The following PRPF19 variants were observed in gnomAD, a reference collection of about 807,000 sequenced individuals.
PRPF19 encodes pre-mRNA processing factor 19, also known as pre-mRNA-processing factor 19.
Under a neutral mutation model 64.2 loss-of-function variants are expected in PRPF19, and 2 were observed. That is an observed-to-expected ratio of 0.03 (90% CI 0.01 to 0.10). The LOEUF is 0.10. Ranked by LOEUF, PRPF19 falls within the 10% of genes least tolerant of loss-of-function variation. The probability of loss-of-function intolerance (pLI) is 1.00; values close to 1 mark genes in which losing one functional copy is unlikely to be tolerated. For missense variants in PRPF19, 314 were observed against 650.0 expected (o/e 0.48, Z 5.62); for synonymous variants, 226 against 251.6 (o/e 0.90, Z 0.96).
chr11:60,903,894 T>C, intron 1 of PRPF19, 33 bp from the exon 2 acceptor site: 3 of 1,599,026 alleles, frequency 1.9e-6, no homozygotes, highest in Non-Finnish European at 2.6e-6. Context: ...GAGCTTGGAG[T>C]GAAGGCAATC....
At chr11:60,892,157 TGAAAGG>T (rs933886124) in intron 15 of PRPF19, among the ~76,000 whole-genome samples, 13 of 152,224 alleles carry the variant, frequency 8.5e-5, no homozygotes, top group African/African-American at 3.1e-4. Flanking sequence ...GTTCAAGATC[TGAAAGG>T]GAAAGTCACG....
At position 60,899,226 on chromosome 11, in the gene PRPF19, G is replaced by A. The variant is rs1335005545; in HGVS notation, c.907C>T (p.Arg303Trp). 2.5e-6 allele frequency: 4 copies of A among 1,613,942 alleles called. No homozygotes were observed. The highest frequency in any genetic ancestry group is 2.7e-5 in the African/African-American group (2 of 74,922). ...CCTGTCACAGCACTCTCATGGGCCC[G>A]AACCACCTGTACACAAGAGGCATTG... ...VPNASCVQVV[R>W]AHESAVTGLS... The change falls in exon 11 of 16, where the codon CGG (arginine) becomes TGG (tryptophan). Residue 303 changes from arginine to tryptophan, a missense_variant. By Grantham distance (101) the Arg-to-Trp change is moderately radical (BLOSUM62 -3). Transcript: ENST00000227524.
intron 10 of PRPF19, among the ~76,000 whole-genome samples, chr11:60,900,271 C>T (rs981650614): frequency 9.2e-5 from 14 of 152,108 alleles, no homozygotes; most frequent in African/African-American, 3.4e-4. Context: ...TTGTGTTGAG[C>T]TTTGTTTTCT....
At position 60,902,513 on chromosome 11, in the gene PRPF19, C is replaced by G. The variant is rs71488495; in HGVS notation, c.463-48G>C. On this transcript the variant is annotated intron_variant, in intron 5 of 15. Transcript: ENST00000227524. This position sits in a 1 kb window ranked among gnomAD's most constrained non-coding sequence, Gnocchi z 5.0. Reference sequence around the variant, plus strand: ...TGAGAGGCACAGAGCACCAAAGACACCTGCATAAGGACAGTTCTGTGGGCC... The same window carrying G: ...TGAGAGGCACAGAGCACCAAAGACAGCTGCATAAGGACAGTTCTGTGGGCC... 2.2e-3 allele frequency: 3,566 copies of G among 1,608,778 alleles called. 9 individuals carry two copies. The highest frequency in any genetic ancestry group is 2.9e-3 in the Non-Finnish European group (3,361 of 1,175,106).
chr11:60,902,079 TCAATAA>T lies in PRPF19; in HGVS notation c.525+318_525+323del, dbSNP rs1040040908. 1.3e-5 allele frequency among the ~76,000 whole-genome samples: 2 copies of T among 152,204 alleles called. No homozygotes were observed. Among genetic ancestry groups the T allele is most frequent in the African/African-American group, 4.8e-5 (2 of 41,432 alleles). ...AGTAGTTTACTATCTGCAAAGAATC[TCAATAA>T]CAATAAGAGCTAAAAGGTGCACTTA... On this transcript the variant is annotated intron_variant, in intron 6 of 15. Coordinates refer to ENST00000227524, the MANE Select transcript of PRPF19 (RefSeq NM_014502.5). The surrounding 1 kb of genome is among the most constrained non-coding windows in gnomAD (Gnocchi z 5.0).
At chr11:60,900,712 C>A in intron 9 of PRPF19, 21 bp from the exon 10 acceptor site, 1 of 1,560,484 alleles carries the variant, frequency 6.4e-7, no homozygotes, top group East Asian at 2.4e-5. Flanking sequence ...CCCAAAAAGA[C>A]CAAACAATGA....
chr11:60,901,161 G>T, intron 8 of PRPF19, 134 bp downstream of exon 8: 1 of 1,082,758 alleles, frequency 9.2e-7, no homozygotes. Context: ...CAGCAGCCCA[G>T]GCGAGAAACA....
At chr11:60,893,631 C>G (rs932882821) in intron 15 of PRPF19, among the ~76,000 whole-genome samples, 1 of 151,982 alleles carries the variant, frequency 6.6e-6, no homozygotes, top group Non-Finnish European at 1.5e-5. Flanking sequence ...AGGCAAGGCA[C>G]ACAAATTTTT....
intron 10 of PRPF19, 150 bp downstream of exon 10, chr11:60,900,432 C>T (rs1028288455): frequency 3.1e-6 from 2 of 648,548 alleles, no homozygotes; most frequent in Non-Finnish European, 5.5e-6. Flanking sequence ...GGGCAATCTC[C>T]ACAACTCCAA....
intron 15 of PRPF19, among the ~76,000 whole-genome samples, chr11:60,896,694 T>C (rs1057140184): frequency 6.6e-6 from 1 of 152,196 alleles, no homozygotes; most frequent in African/African-American, 2.4e-5. Context: ...CTTTCCCTTA[T>C]CAATTACCCA....
chr11:60,894,328 T>C (rs1332707900), intron 15 of PRPF19, among the ~76,000 whole-genome samples: 4 of 152,264 alleles, frequency 2.6e-5, no homozygotes, highest in African/African-American at 4.8e-5. Flanking sequence ...ATTAAGTTTA[T>C]GTAATATTCT....
In PRPF19 at chr11:60,900,575, C is replaced by T. The variant is rs938337000; in HGVS notation, c.828+7G>A. On this transcript the variant is annotated splice_region_variant and intron_variant, in intron 10 of 15. Coordinates refer to ENST00000227524, the MANE Select transcript of PRPF19 (RefSeq NM_014502.5). Reference sequence around the variant, plus strand: ...AAGAACCAAGGGTGGCGAGGAGAACCCCTTACCTGGGAAGGGTGAAACACC... The same window carrying T: ...AAGAACCAAGGGTGGCGAGGAGAACTCCTTACCTGGGAAGGGTGAAACACC... The T allele has an allele frequency of 1.9e-6, 3 of 1,542,664 alleles. No homozygotes were observed.
Position 60,898,426 on chromosome 11 carries a change from C to A in PRPF19, c.1140+115G>T. ...ACCACACCATCATATCACACACGCACAGCCAGTGTCTCTCCACCTTCAGGG... is the reference window on the plus strand; with the variant it reads ...ACCACACCATCATATCACACACGCAAAGCCAGTGTCTCTCCACCTTCAGGG... On this transcript the variant is annotated intron_variant, in intron 13 of 15. Coordinates refer to ENST00000227524, the MANE Select transcript of PRPF19 (RefSeq NM_014502.5). The surrounding 1 kb of genome is among the most constrained non-coding windows in gnomAD (Gnocchi z 4.6). The A allele has an allele frequency of 1.3e-6, 2 of 1,552,396 alleles. No individual in the cohort carries two copies. Among genetic ancestry groups the A allele is most frequent in the South Asian group, 1.2e-5 (1 of 82,750 alleles).
rs910167169 is a variant in PRPF19, at chr11:60,902,108, T to G, written c.525+295A>C. Among the ~76,000 whole-genome samples, 1 of 152,124 alleles carries G rather than the reference T, an allele frequency of 6.6e-6. No individual in the cohort carries two copies. Among genetic ancestry groups the G allele is most frequent in the South Asian group, 2.1e-4 (1 of 4,830 alleles). On this transcript the variant is annotated intron_variant, in intron 6 of 15. Transcript: ENST00000227524. The surrounding 1 kb of genome is among the most constrained non-coding windows in gnomAD (Gnocchi z 5.0). ...TAACAATAAGAGCTAAAAGGTGCAC[T>G]TATCAGTAATGAAATCTTTTAAATT... is the stretch of plus-strand genomic sequence containing the variant.
In PRPF19 at chr11:60,902,346, C is replaced by T. The variant is rs1034944197; in HGVS notation, c.525+57G>A. ...GATTTTAGTCACGATGGACTCCAGA[C>T]AGATGGTGAAAAGTAAGGGCCCATC... is the stretch of plus-strand genomic sequence containing the variant. On this transcript the variant is annotated intron_variant, in intron 6 of 15. Transcript: ENST00000227524. This position sits in a 1 kb window ranked among gnomAD's most constrained non-coding sequence, Gnocchi z 5.0. 5 of 1,554,266 alleles carry T rather than the reference C, an allele frequency of 3.2e-6. No individual in the cohort carries two copies. The highest frequency in any genetic ancestry group is 4.4e-6 in the Non-Finnish European group (5 of 1,127,860).
chr11:60,897,509 C>T (rs554860955), intron 15 of PRPF19: 59 of 214,708 alleles, frequency 2.7e-4, no homozygotes, highest in African/African-American at 1.3e-3. Flanking sequence ...TAATGTGGGC[C>T]TCCCGTGCAT....
chr11:60,891,331 A>G, intron 15 of PRPF19, 68 bp from the exon 16 acceptor site: 6 of 1,169,424 alleles, frequency 5.1e-6, no homozygotes, highest in South Asian at 1.3e-5. Context: ...CTGATCCCTA[A>G]TAACAGATTC....
chr11:60,898,451 G>A lies in PRPF19; in HGVS notation c.1140+90C>T. Reference sequence around the variant, plus strand: ...CAGCCAGTGTCTCTCCACCTTCAGGGCCAGGTGCCACAAGCACCTAATTAG... The same window carrying A: ...CAGCCAGTGTCTCTCCACCTTCAGGACCAGGTGCCACAAGCACCTAATTAG... On this transcript the variant is annotated intron_variant, in intron 13 of 15. Coordinates refer to ENST00000227524, the MANE Select transcript of PRPF19 (RefSeq NM_014502.5). The surrounding 1 kb of genome is among the most constrained non-coding windows in gnomAD (Gnocchi z 4.6). The A allele has an allele frequency of 6.3e-7, 1 of 1,591,496 alleles. No individual in the cohort carries two copies. Among genetic ancestry groups the A allele is most frequent in the Non-Finnish European group, 8.6e-7 (1 of 1,166,606 alleles).
intron 1 of PRPF19, among the ~76,000 whole-genome samples, chr11:60,904,139 A>C (rs547405930): frequency 6.6e-6 from 1 of 152,324 alleles, no homozygotes; most frequent in East Asian, 1.9e-4. Flanking sequence ...TGTGCCAAGC[A>C]CCTAGAGAAT....
Sources: allele counts gnomAD v4.1 joint callset (sites outside exome capture counted in the v4.1 genomes callset), GRCh38; gene constraint gnomAD v4.1.1; non-coding constraint Gnocchi (gnomAD v3.1); transcripts MANE v1.5; gene names NCBI Gene and HGNC (gene_info 2026-07-23, HGNC 2026-07-21).